The following LIPC variants were observed in gnomAD, a reference collection of about 807,000 sequenced individuals.
The protein encoded by LIPC is lipase C, hepatic type, also known as hepatic triacylglycerol lipase.
A neutral mutation model predicts 50.7 loss-of-function variants in LIPC; 44 were observed. That is an observed-to-expected ratio of 0.87 (90% CI 0.68 to 1.11). LIPC has a LOEUF of 1.11. Among genes scored for constraint, LIPC ranks in the 50% most tolerant of loss-of-function variants. LIPC has a pLI of 0.00. For synonymous variants in LIPC, 271 were observed against 256.4 expected (o/e 1.06, Z -0.54); for missense variants, 697 against 648.2 (o/e 1.08, Z -0.82).
At chr15:58,542,177 C>T (rs192126406) in intron 3 of LIPC, among the ~76,000 whole-genome samples, 4 of 152,316 alleles carry the variant, frequency 2.6e-5, no homozygotes, top group Non-Finnish European at 4.4e-5. Flanking sequence ...ACCACCTTCT[C>T]CCCTCTCCTC....
intron 5 of LIPC, among the ~76,000 whole-genome samples, chr15:58,547,722 A>G (rs1893586156): frequency 6.6e-6 from 1 of 151,400 alleles, no homozygotes; most frequent in African/African-American, 2.4e-5. Flanking sequence ...GTTACTGGGC[A>G]ATGTCCTTCC....
chr15:58,520,112 G>GTTTTTTTTTTTTTTTTTTTTT, intron 1 of LIPC, among the ~76,000 whole-genome samples: 1 of 123,538 alleles, frequency 8.1e-6, no homozygotes, highest in Non-Finnish European at 1.7e-5. Flanking sequence ...GTTTTGGGCT[G>GTTTTTTTTTTTTTTTTTTTTT]TTTTTTTTTT....
intron 1 of LIPC, among the ~76,000 whole-genome samples, chr15:58,492,404 G>C (rs1381223328): frequency 6.6e-6 from 1 of 152,080 alleles, no homozygotes; most frequent in Non-Finnish European, 1.5e-5. Flanking sequence ...ACATTATAAA[G>C]CTGTAATAGC....
At chr15:58,518,197 C>T (rs779611638) in intron 1 of LIPC, among the ~76,000 whole-genome samples, 8 of 152,220 alleles carry the variant, frequency 5.3e-5, no homozygotes, top group Non-Finnish European at 8.8e-5. Flanking sequence ...CCCTTGCCCC[C>T]TGTTTTGACA....
Position 58,538,417 on chromosome 15 carries a change from C to G in LIPC, c.173C>G (p.Thr58Ser), listed in dbSNP as rs765770186. Residue 58 changes from threonine to serine, a missense_variant, in exon 2 of 9, where the codon ACC becomes AGC. Physicochemically the swap from Thr to Ser is moderately conservative, Grantham distance 58 (BLOSUM62 1). Coordinates refer to ENST00000299022, the MANE Select transcript of LIPC (RefSeq NM_000236.3). The part of the protein sequence containing the change: ...MKTRFLLFGE[T>S]NQGCQIRINH... ...ACCAGATTCCTGCTCTTTGGAGAAA[C>G]CAATCAGGGCTGTCAGATTCGAATC... The G allele has an allele frequency of 6.2e-7, 1 of 1,614,154 alleles. No individual in the cohort carries two copies. Among genetic ancestry groups the G allele is most frequent in the East Asian group, 2.2e-5 (1 of 44,882 alleles).
intron 4 of LIPC, among the ~76,000 whole-genome samples, chr15:58,543,670 C>T (rs1459763378): frequency 6.6e-6 from 1 of 152,124 alleles, no homozygotes; most frequent in African/African-American, 2.4e-5. Flanking sequence ...GAGTTTCGCT[C>T]TTGTTGCCCA....
At chr15:58,497,311 G>A (rs1891807858) in intron 1 of LIPC, among the ~76,000 whole-genome samples, 1 of 152,158 alleles carries the variant, frequency 6.6e-6, no homozygotes, top group Non-Finnish European at 1.5e-5. Flanking sequence ...ACCCGTGGTG[G>A]GACAATCTGT....
intron 6 of LIPC, among the ~76,000 whole-genome samples, chr15:58,553,247 A>C (rs1335669130): frequency 6.6e-6 from 1 of 152,100 alleles, no homozygotes; most frequent in Non-Finnish European, 1.5e-5. Context: ...TCCTGGCCGC[A>C]CACACACACT....
In LIPC at chr15:58,538,325, T is replaced by C. The variant is rs1314390302; in HGVS notation, c.89-8T>C. ...AGGCTAAGCACCGTCCCCAATCTTA[T>C]ATTGCAGAGCCATTTGGAAGAAGAG... On this transcript the variant is annotated splice_polypyrimidine_tract_variant and splice_region_variant and intron_variant, in intron 1 of 8. Transcript: ENST00000299022. 3.7e-6 allele frequency: 6 copies of C among 1,614,082 alleles called. No homozygotes were observed. The highest frequency in any genetic ancestry group is 2.2e-5 in the East Asian group (1 of 44,872).
intron 8 of LIPC, among the ~76,000 whole-genome samples, chr15:58,567,321 GTGTATATATATA>G (rs1566955161): frequency 2.1e-4 from 6 of 27,960 alleles, no homozygotes; most frequent in Non-Finnish European, 4.1e-4. Flanking sequence ...ATATGTATAT[GTGTATATATATA>G]TATATGTATA....
intron 1 of LIPC, among the ~76,000 whole-genome samples, chr15:58,461,873 A>C (rs972739178): frequency 6.6e-6 from 1 of 151,612 alleles, no homozygotes; most frequent in Non-Finnish European, 1.5e-5. Flanking sequence ...AGCTCCTTTA[A>C]ACTTTCACAC....
chr15:58,508,740 C>A (rs1484682727), intron 1 of LIPC, among the ~76,000 whole-genome samples: 1 of 151,824 alleles, frequency 6.6e-6, no homozygotes, highest in African/African-American at 2.4e-5. Context: ...TTTTGGACAC[C>A]TTTTCCTCCG....
chr15:58,537,635 T>A (rs1290901996), intron 1 of LIPC, among the ~76,000 whole-genome samples: 1 of 152,070 alleles, frequency 6.6e-6, no homozygotes, highest in Non-Finnish European at 1.5e-5. Flanking sequence ...TGTTGCTCCC[T>A]CAGCCACCCC....
At chr15:58,497,352 G>A (rs1891809110) in intron 1 of LIPC, among the ~76,000 whole-genome samples, 1 of 152,166 alleles carries the variant, frequency 6.6e-6, no homozygotes, top group African/African-American at 2.4e-5. Flanking sequence ...GAATGGATGG[G>A]GAAGTGGGGG....
chr15:58,477,914 G>T (rs1891052484), intron 1 of LIPC, among the ~76,000 whole-genome samples: 4 of 152,000 alleles, frequency 2.6e-5, no homozygotes, highest in African/African-American at 9.7e-5. Context: ...GTGCCCACAA[G>T]TCCCTCTATG....
chr15:58,531,575 A>G (rs1319024489), intron 1 of LIPC, among the ~76,000 whole-genome samples: 2 of 151,462 alleles, frequency 1.3e-5, no homozygotes, highest in Non-Finnish European at 2.9e-5. Flanking sequence ...GGGATCCACA[A>G]AAGAAGAAGT....
intron 1 of LIPC, among the ~76,000 whole-genome samples, chr15:58,446,148 C>G (rs1276169526): frequency 6.6e-6 from 1 of 152,120 alleles, no homozygotes; most frequent in Non-Finnish European, 1.5e-5. Context: ...CATACATATC[C>G]CATATGAAAG....
At chr15:58,484,673 C>A (rs920235634) in intron 1 of LIPC, among the ~76,000 whole-genome samples, 1 of 152,042 alleles carries the variant, frequency 6.6e-6, no homozygotes, top group Non-Finnish European at 1.5e-5. Flanking sequence ...GGGGCATGGG[C>A]CCTGGAGCCC....
intron 7 of LIPC, 122 bp from the exon 8 acceptor site, chr15:58,563,383 T>A: frequency 1.3e-6 from 1 of 787,454 alleles, no homozygotes; most frequent in Non-Finnish European, 2.2e-6. Context: ...GAACACTAGT[T>A]TGGGAAATGC....
Sources: allele counts gnomAD v4.1 joint callset (sites outside exome capture counted in the v4.1 genomes callset), GRCh38; gene constraint gnomAD v4.1.1; transcripts MANE v1.5; gene names NCBI Gene and HGNC (gene_info 2026-07-23, HGNC 2026-07-21).